The following LRRC4C variants were observed in gnomAD, a reference collection of about 807,000 sequenced individuals.
The protein encoded by LRRC4C is leucine rich repeat containing 4C.
Under a neutral mutation model 33.6 loss-of-function variants are expected in LRRC4C, and 5 were observed. The ratio of observed to expected loss-of-function variants is 0.15; its 90% CI spans 0.08 to 0.31. The LOEUF is 0.31. LRRC4C is among the 10% of genes least tolerant of loss of function. The pLI, the probability that LRRC4C is intolerant of heterozygous loss-of-function variation, is 1.00. For synonymous variants in LRRC4C, 329 were observed against 302.0 expected, an observed-to-expected ratio of 1.09 and a Z score of -0.93; for missense variants, 560 against 796.7, an observed-to-expected ratio of 0.70 and a Z score of 3.58.
rs1945491842 is a variant in LRRC4C at position 40,696,065 on chromosome 11, ATGAG to A, written c.-406-47791_-406-47788del. Among the ~76,000 whole-genome samples the A allele has an allele frequency of 3.7e-5, 5 of 136,534 alleles. No homozygotes were observed. The South Asian group carries it at 1.1e-3, about 31-fold the overall frequency. The allele number at this position is 136,534 out of a possible 152,430, so 89.6% of individuals were successfully genotyped here. A position where few individuals can be genotyped will look rare whatever the true frequency, so the allele number is the denominator to read the frequency against. On this transcript the variant is annotated intron_variant, in intron 2 of 6. Transcript: ENST00000528697. ...TATGTGTGTGTGTGTGTGTGTATAT[ATGAG>A]TGTGTATATATATATATGAGTGTGT... is the stretch of plus-strand genomic sequence containing the variant.
chr11:41,425,115 C>T (rs1954996533), intron 1 of LRRC4C, among the ~76,000 whole-genome samples: 1 of 151,934 alleles, frequency 6.6e-6, no homozygotes, highest in Non-Finnish European at 1.5e-5. Flanking sequence ...CTATTAAATC[C>T]TCACTTTTCC....
At chr11:40,563,304 G>C (rs1591116746) in intron 3 of LRRC4C, among the ~76,000 whole-genome samples, 2 of 152,276 alleles carry the variant, frequency 1.3e-5, no homozygotes, top group African/African-American at 4.8e-5. Flanking sequence ...AGGGTGCCTG[G>C]CCCAAAGTCA....
chr11:40,687,535 A>G (rs552777091), intron 2 of LRRC4C, among the ~76,000 whole-genome samples: 3 of 152,236 alleles, frequency 2.0e-5, no homozygotes, highest in African/African-American at 7.2e-5. Flanking sequence ...AATAAATAGT[A>G]TTTGATTAAA....
At chr11:41,029,967 G>A (rs1429001577) in intron 1 of LRRC4C, among the ~76,000 whole-genome samples, 1 of 151,726 alleles carries the variant, frequency 6.6e-6, no homozygotes, top group Non-Finnish European at 1.5e-5. Flanking sequence ...AACCATCCAA[G>A]GATAAATAGA....
intron 1 of LRRC4C, among the ~76,000 whole-genome samples, chr11:41,123,254 A>ATTTTTT (rs1942538658): frequency 1.2e-5 from 1 of 84,972 alleles, no homozygotes; most frequent in African/African-American, 5.0e-5. Flanking sequence ...ATCCTGAGCT[A>ATTTTTT]TGTTTTGTTT....
intron 4 of LRRC4C, chr11:40,292,500 C>G (rs1181861593): frequency 6.6e-6 from 1 of 152,062 alleles, no homozygotes; most frequent in Non-Finnish European, 1.5e-5. Context: ...GAAAAGAAAA[C>G]ACCACCACAC....
intron 1 of LRRC4C, among the ~76,000 whole-genome samples, chr11:41,382,293 A>G (rs1351058287): frequency 2.6e-5 from 4 of 152,096 alleles, no homozygotes; most frequent in African/African-American, 4.8e-5. Flanking sequence ...TAAGAAAAAT[A>G]ATATCATACC....
intron 4 of LRRC4C, among the ~76,000 whole-genome samples, chr11:40,282,391 T>A (rs567950691): frequency 2.6e-5 from 4 of 152,088 alleles, no homozygotes; most frequent in Non-Finnish European, 4.4e-5. Context: ...AAAACTTCCC[T>A]GGCATACCTT....
At chr11:40,777,830 G>A (rs1280079327) in intron 2 of LRRC4C, among the ~76,000 whole-genome samples, 21 of 152,000 alleles carry the variant, frequency 1.4e-4, no homozygotes. Context: ...TGGGACTACA[G>A]GCGCCCGCCA....
chr11:41,074,894 G>A (rs1938988875), intron 1 of LRRC4C, among the ~76,000 whole-genome samples: 1 of 151,956 alleles, frequency 6.6e-6, no homozygotes, highest in Non-Finnish European at 1.5e-5. Context: ...AACTTAGAAT[G>A]GAGGCCAACG....
At chr11:40,616,892 A>C (rs2861932) in intron 3 of LRRC4C, among the ~76,000 whole-genome samples, 64,896 of 142,854 alleles carry the variant, frequency 0.45, 15,057 homozygotes, top group Middle Eastern at 0.59. Context: ...CACATGTACC[A>C]TAAAACTTAA....
intron 4 of LRRC4C, among the ~76,000 whole-genome samples, chr11:40,254,019 A>T (rs568370572): frequency 1.6e-4 from 25 of 152,138 alleles, no homozygotes; most frequent in Non-Finnish European, 3.5e-4. Flanking sequence ...ATTTCTGTAG[A>T]TCTTATATTT....
At chr11:41,138,901 AG>A (rs1943381658) in intron 1 of LRRC4C, among the ~76,000 whole-genome samples, 1 of 152,202 alleles carries the variant, frequency 6.6e-6, no homozygotes, top group Non-Finnish European at 1.5e-5. Flanking sequence ...ATTAAAACAA[AG>A]GACATCTTTA....
At chr11:41,433,530 G>A (rs897659481) in intron 1 of LRRC4C, among the ~76,000 whole-genome samples, 2 of 152,110 alleles carry the variant, frequency 1.3e-5, no homozygotes, top group Non-Finnish European at 2.9e-5. Context: ...CAGTGGGCTG[G>A]GGAAAGCAGA....
At chr11:41,091,453 A>G (rs1940411120) in intron 1 of LRRC4C, among the ~76,000 whole-genome samples, 1 of 151,982 alleles carries the variant, frequency 6.6e-6, no homozygotes, top group Non-Finnish European at 1.5e-5. Context: ...GAGTAGACAA[A>G]ACTCGAAATC....
chr11:40,955,506 C>A (rs1252403616), intron 1 of LRRC4C, among the ~76,000 whole-genome samples: 2 of 151,696 alleles, frequency 1.3e-5, no homozygotes, highest in Non-Finnish European at 2.9e-5. Context: ...AATAAATATA[C>A]CTTTTCTTAA....
intron 1 of LRRC4C, among the ~76,000 whole-genome samples, chr11:41,344,226 CTT>C (rs34736782): frequency 8.4e-5 from 10 of 118,398 alleles, no homozygotes; most frequent in Admixed American, 9.6e-5. Flanking sequence ...TGAAGCCTTT[CTT>C]TTTTTTTTTT....
At chr11:40,220,957 C>T (rs1257918355) in intron 5 of LRRC4C, among the ~76,000 whole-genome samples, 4 of 151,520 alleles carry the variant, frequency 2.6e-5, no homozygotes, top group Non-Finnish European at 5.9e-5. Context: ...CTCACTGCAA[C>T]CTCCACCTCC....
chr11:40,422,004 A>T (rs1213385967), intron 3 of LRRC4C, among the ~76,000 whole-genome samples: 2 of 152,248 alleles, frequency 1.3e-5, no homozygotes, highest in African/African-American at 4.8e-5. Flanking sequence ...TGATTGTCCT[A>T]GTTCTGCAGG....
Sources: gnomAD v4.1 joint callset for allele counts (sites outside exome capture counted in the v4.1 genomes callset) on GRCh38, gnomAD v4.1.1 for gene constraint, MANE v1.5 for transcripts, NCBI Gene and HGNC (gene_info 2026-07-23, HGNC 2026-07-21) for gene names.